Variants in IL1RAPL2 observed in about 807,000 individuals in gnomAD.
The protein encoded by IL1RAPL2 is interleukin 1 receptor accessory protein like 2.
Under a neutral mutation model 44.1 loss-of-function variants are expected in IL1RAPL2, and 3 were observed. The ratio of observed to expected loss-of-function variants is 0.07; its 90% confidence interval spans 0.03 to 0.18. IL1RAPL2 has a LOEUF of 0.18. IL1RAPL2 is among the 10% of genes least tolerant of loss of function. IL1RAPL2 has a pLI of 1.00. For synonymous variants in IL1RAPL2, 181 were observed against 178.8 expected (o/e 1.01, Z -0.10); for missense variants, 391 against 496.4 (o/e 0.79, Z 2.02).
In IL1RAPL2 at chrX:104,593,348, TA is replaced by T. The variant is rs755256064; in HGVS notation, c.-20+26304del. 2.4e-4 allele frequency among the ~76,000 whole-genome samples: 27 copies of T among 111,799 alleles called. 1 individual carries two copies. The highest frequency in any genetic ancestry group is 7.8e-4 in the African/African-American group (24 of 30,839). On this transcript the variant is annotated intron_variant, in intron 1 of 10. Coordinates refer to ENST00000372582, the MANE Select transcript of IL1RAPL2 (RefSeq NM_017416.2). ...CCTTCAAGGATCCAATGTAATGACT[TA>T]AAAAAATATTTTGGGGAGAAACCAT...
chrX:105,369,607 A>T (rs1273972355), intron 5 of IL1RAPL2, among the ~76,000 whole-genome samples: 4 of 111,606 alleles, frequency 3.6e-5, no homozygotes. Context: ...ATTCTTGATC[A>T]GACTGCTCAT....
chrX:105,624,860 A>T (rs2037442820), intron 6 of IL1RAPL2, among the ~76,000 whole-genome samples: 1 of 112,168 alleles, frequency 8.9e-6, no homozygotes, highest in African/African-American at 3.2e-5. Context: ...AATGATACTT[A>T]TCTAAAAAGA....
intron 2 of IL1RAPL2, among the ~76,000 whole-genome samples, chrX:104,882,064 T>C (rs751009215): frequency 8.9e-6 from 1 of 112,553 alleles, no homozygotes; most frequent in Non-Finnish European, 1.9e-5. Context: ...CTTCTCTTTA[T>C]GGAATACTTG....
intron 5 of IL1RAPL2, among the ~76,000 whole-genome samples, chrX:105,306,232 G>A (rs182206972): frequency 8.1e-5 from 9 of 111,116 alleles, no homozygotes; most frequent in Non-Finnish European, 1.9e-5. Flanking sequence ...TACATAATGT[G>A]TATTTTTTTC....
intron 5 of IL1RAPL2, among the ~76,000 whole-genome samples, chrX:105,292,976 G>A (rs2034625273): frequency 9.1e-6 from 1 of 109,472 alleles, no homozygotes; most frequent in African/African-American, 3.3e-5. Flanking sequence ...TCCGGGCATT[G>A]TGGCAGGCGC....
intron 2 of IL1RAPL2, among the ~76,000 whole-genome samples, chrX:104,836,399 A>G (rs1921742843): frequency 9.0e-6 from 1 of 110,950 alleles, no homozygotes; most frequent in Middle Eastern, 4.3e-3. Flanking sequence ...ATACATTTTA[A>G]AGTAACAAAG....
At chrX:104,873,514 G>T (rs1451460522) in intron 2 of IL1RAPL2, among the ~76,000 whole-genome samples, 2 of 111,721 alleles carry the variant, frequency 1.8e-5, no homozygotes, top group Non-Finnish European at 3.8e-5. Context: ...ACTTTTGTTA[G>T]GAGTTTTCTG....
At chrX:105,467,430 T>A (rs1243214295) in intron 5 of IL1RAPL2, among the ~76,000 whole-genome samples, 1 of 111,557 alleles carries the variant, frequency 9.0e-6, no homozygotes, top group East Asian at 2.8e-4. Context: ...TAAGGAAATA[T>A]ATATAATGGA....
At chrX:105,350,037 A>G (rs2035140820) in intron 5 of IL1RAPL2, among the ~76,000 whole-genome samples, 1 of 112,113 alleles carries the variant, frequency 8.9e-6, no homozygotes, top group African/African-American at 3.2e-5. Flanking sequence ...CACTGGACAC[A>G]ATATACTTCA....
intron 6 of IL1RAPL2, among the ~76,000 whole-genome samples, chrX:105,521,283 G>A (rs1395845475): frequency 9.2e-6 from 1 of 109,158 alleles, no homozygotes; most frequent in Non-Finnish European, 1.9e-5. Context: ...TTCAAGTTTG[G>A]GGCATCTGAA....
At chrX:104,913,691 GGTA>G in intron 2 of IL1RAPL2, among the ~76,000 whole-genome samples, 1 of 112,230 alleles carries the variant, frequency 8.9e-6, no homozygotes, top group African/African-American at 3.2e-5. Flanking sequence ...ACTCTCTGAT[GGTA>G]GCTAGAGAGG....
At chrX:105,056,635 T>A (rs549377434) in intron 2 of IL1RAPL2, among the ~76,000 whole-genome samples, 2 of 111,203 alleles carry the variant, frequency 1.8e-5, no homozygotes, top group South Asian at 7.8e-4. Flanking sequence ...AGCTCTGAGA[T>A]TATTTGTGAG....
intron 6 of IL1RAPL2, among the ~76,000 whole-genome samples, chrX:105,552,248 G>A (rs774420104): frequency 8.9e-6 from 1 of 111,893 alleles, no homozygotes; most frequent in East Asian, 2.8e-4. Context: ...ATGAAAGATA[G>A]TAGATTCTAG....
At chrX:105,765,626 G>GTATC (rs1424083714) in intron 10 of IL1RAPL2, among the ~76,000 whole-genome samples, 1 of 112,461 alleles carries the variant, frequency 8.9e-6, no homozygotes, top group African/African-American at 3.2e-5. Context: ...AATTCTATGT[G>GTATC]TATCTCTTAA....
intron 4 of IL1RAPL2, among the ~76,000 whole-genome samples, chrX:105,260,287 TG>T (rs1182574339): frequency 4.5e-5 from 5 of 112,332 alleles, no homozygotes; most frequent in Non-Finnish European, 9.4e-5. Flanking sequence ...GCCCTCCTTC[TG>T]AGAGCTTCAT....
intron 6 of IL1RAPL2, among the ~76,000 whole-genome samples, chrX:105,588,680 G>A (rs1473793527): frequency 1.8e-5 from 2 of 111,800 alleles, no homozygotes; most frequent in African/African-American, 6.5e-5. Context: ...TTAGGATGAT[G>A]GCATCTAGCT....
At chrX:105,102,590 G>C (rs2032684230) in intron 2 of IL1RAPL2, among the ~76,000 whole-genome samples, 1 of 111,644 alleles carries the variant, frequency 9.0e-6, no homozygotes, top group South Asian at 3.7e-4. Context: ...GTGGCTATCT[G>C]AACATGAATG....
At position 105,767,825 on chromosome X, in the gene IL1RAPL2, G is replaced by A. The variant is rs1041460235; in HGVS notation, c.*164G>A. Reference sequence around the variant, plus strand: ...TTTTTGTTTACATTTCCAGAATAGTGGGGGGAAAGAAGGACCTGCTTTTGT... The same window carrying A: ...TTTTTGTTTACATTTCCAGAATAGTAGGGGGAAAGAAGGACCTGCTTTTGT... On this transcript the variant is annotated 3_prime_UTR_variant, in exon 11 of 11. Transcript: ENST00000372582. 4.9e-5 allele frequency: 21 copies of A among 430,550 alleles called. No homozygotes were observed. Among genetic ancestry groups the A allele is most frequent in the Admixed American group, 4.3e-4 (10 of 23,326 alleles). The allele number at this position is 430,550 out of a possible 1,213,427, so 35.5% of individuals were successfully genotyped here.
At chrX:104,908,342 C>T (rs975742263) in intron 2 of IL1RAPL2, among the ~76,000 whole-genome samples, 1 of 111,309 alleles carries the variant, frequency 9.0e-6, no homozygotes, top group Non-Finnish European at 1.9e-5. Context: ...TTGATCCTGT[C>T]ATTATGATGT....
Sources: gnomAD v4.1 joint callset for allele counts (sites outside exome capture counted in the v4.1 genomes callset) on GRCh38, gnomAD v4.1.1 for gene constraint, MANE v1.5 for transcripts, NCBI Gene and HGNC (gene_info 2026-07-23, HGNC 2026-07-21) for gene names.